NCAM2: variants seen among roughly 807,000 people sequenced by gnomAD.
NCAM2 encodes the protein N-CAM-2.
A neutral mutation model predicts 98.1 loss-of-function variants in NCAM2; 30 were observed. The ratio of observed to expected loss-of-function variants is 0.31; its 90% CI spans 0.23 to 0.41. The LOEUF (loss-of-function observed/expected upper bound fraction) is 0.41. NCAM2 is among the 10% of genes least tolerant of loss of function. The probability of loss-of-function intolerance (pLI) is 1.00; values close to 1 mark genes in which losing one functional copy is unlikely to be tolerated. For missense variants in NCAM2, 867 were observed against 1,005.8 expected (o/e 0.86, Z 1.87); for synonymous variants, 368 against 342.4 (o/e 1.07, Z -0.83).
intron 1 of NCAM2, among the ~76,000 whole-genome samples, chr21:21,036,512 C>A (rs116991714): frequency 0.03 from 4,528 of 152,120 alleles, 97 homozygotes; most frequent in Non-Finnish European, 0.042. Context: ...CAAGAAAAAA[C>A]CATACATATT....
intron 16 of NCAM2, among the ~76,000 whole-genome samples, chr21:21,510,877 A>T (rs1988332211): frequency 6.6e-6 from 1 of 152,066 alleles, no homozygotes; most frequent in African/African-American, 2.4e-5. Context: ...TTTAACGCTC[A>T]AATCAAGAAA....
At chr21:21,473,439 G>A (rs1602444885) in intron 14 of NCAM2, among the ~76,000 whole-genome samples, 1 of 148,248 alleles carries the variant, frequency 6.7e-6, no homozygotes, top group African/African-American at 2.5e-5. Flanking sequence ...GACATTGAGA[G>A]TAGCAAATGG....
intron 15 of NCAM2, among the ~76,000 whole-genome samples, chr21:21,498,859 G>T (rs148011702): frequency 6.6e-6 from 1 of 152,016 alleles, no homozygotes; most frequent in Non-Finnish European, 1.5e-5. Flanking sequence ...TCACAAAAAC[G>T]TAATAATGTA....
chr21:21,030,536 G>C (rs1307411279), intron 1 of NCAM2, among the ~76,000 whole-genome samples: 3 of 152,080 alleles, frequency 2.0e-5, no homozygotes, highest in Non-Finnish European at 4.4e-5. Flanking sequence ...CCCATCTCAC[G>C]ATTCGTATCT....
intron 1 of NCAM2, among the ~76,000 whole-genome samples, chr21:21,083,902 C>T (rs888970780): frequency 4.6e-5 from 7 of 152,084 alleles, no homozygotes; most frequent in Admixed American, 1.3e-4. Context: ...TTTAAATTTA[C>T]CCCAACTTTA....
intron 8 of NCAM2, among the ~76,000 whole-genome samples, chr21:21,369,354 GT>G (rs2056637716): frequency 6.6e-6 from 1 of 150,970 alleles, no homozygotes; most frequent in African/African-American, 2.4e-5. Context: ...TATACCACTT[GT>G]TTTTTTCAAT....
chr21:21,214,520 C>T (rs2069786776), intron 1 of NCAM2, among the ~76,000 whole-genome samples: 1 of 151,780 alleles, frequency 6.6e-6, no homozygotes, highest in African/African-American at 2.4e-5. Flanking sequence ...TCCTTAGGGA[C>T]TCCTAAGTGG....
intron 15 of NCAM2, among the ~76,000 whole-genome samples, chr21:21,504,096 GCTGTA>G (rs1486350669): frequency 6.6e-6 from 1 of 151,726 alleles, no homozygotes; most frequent in Non-Finnish European, 1.5e-5. Context: ...TTGCTGTATT[GCTGTA>G]CTGTATTTTA....
rs1555886415 is a variant in NCAM2 at position 21,115,989 on chromosome 21, G to GTCTGTC, written c.55+117372_55+117373insCTGTCT. ...TGTGTGTGTGTGTGTGTGTGTGTGT[G>GTCTGTC]TGTCTGTCTGTCTTTCATGCTGAGA... On this transcript the variant is annotated intron_variant, in intron 1 of 17. Transcript: ENST00000400546. 1.8e-4 allele frequency among the ~76,000 whole-genome samples: 24 copies of GTCTGTC among 130,642 alleles called. 1 individual carries two copies. Among genetic ancestry groups the GTCTGTC allele is most frequent in the African/African-American group, 6.8e-4 (24 of 35,458 alleles). 85.7% of individuals were successfully genotyped at this position (130,642 alleles called of 152,430 possible).
intron 14 of NCAM2, among the ~76,000 whole-genome samples, chr21:21,472,563 T>G (rs749657992): frequency 2.0e-5 from 3 of 152,016 alleles, no homozygotes; most frequent in Non-Finnish European, 2.9e-5. Context: ...AGTTTTATTC[T>G]TCTTTGTATA....
Position 21,237,551 on chromosome 21 carries a change from A to G in NCAM2, c.56-43027A>G, listed in dbSNP as rs147212796. On this transcript the variant is annotated intron_variant, in intron 1 of 17. Coordinates refer to ENST00000400546, the MANE Select transcript of NCAM2 (RefSeq NM_004540.5). The stretch of plus-strand genomic sequence containing the variant: ...TAGCTTACCTTTCAGCCTCAAGATT[A>G]TGTTTAAATAAAGGATTTATATCCC... 7.3e-3 allele frequency among the ~76,000 whole-genome samples: 1,114 copies of G among 152,256 alleles called. 4 individuals are homozygous for G. Among genetic ancestry groups the G allele is most frequent in the Non-Finnish European group, 0.012 (834 of 68,008 alleles).
Position 21,381,310 on chromosome 21 carries a change from C to T in NCAM2, c.1195+7297C>T, listed in dbSNP as rs551934781. ...TGCCCATGGGCTATAATTTGCCATC[C>T]ACTGGTTTAGGCTATTAAGTTTAAT... On this transcript the variant is annotated intron_variant, in intron 9 of 17. Coordinates refer to ENST00000400546, the MANE Select transcript of NCAM2 (RefSeq NM_004540.5). 5.9e-5 allele frequency among the ~76,000 whole-genome samples: 9 copies of T among 152,286 alleles called. No homozygotes were observed. In the East Asian group the frequency reaches 1.2e-3, roughly 20 times the overall value.
At chr21:21,223,826 A>G (rs1049415786) in intron 1 of NCAM2, 1 of 152,200 alleles carries the variant, frequency 6.6e-6, no homozygotes, top group African/African-American at 2.4e-5. Context: ...TGCATACAAT[A>G]TAAACAGAGA....
intron 1 of NCAM2, among the ~76,000 whole-genome samples, chr21:21,221,941 T>C (rs1309868847): frequency 6.6e-6 from 1 of 152,218 alleles, no homozygotes; most frequent in Non-Finnish European, 1.5e-5. Context: ...TCTCTCTTGG[T>C]GTGGGGCAGG....
chr21:21,451,075 A>T (rs953867067), intron 12 of NCAM2, among the ~76,000 whole-genome samples: 9 of 152,088 alleles, frequency 5.9e-5, no homozygotes, highest in Admixed American at 1.3e-4. Context: ...TATTGCTCAT[A>T]CAGGTATTTT....
chr21:21,096,956 A>T (rs139957553), intron 1 of NCAM2, among the ~76,000 whole-genome samples: 141 of 151,932 alleles, frequency 9.3e-4, no homozygotes, highest in Middle Eastern at 6.8e-3. Flanking sequence ...TAATGGAGAC[A>T]GTGTCAACAT....
At chr21:21,193,558 C>G (rs1051707806) in intron 1 of NCAM2, among the ~76,000 whole-genome samples, 3 of 145,788 alleles carry the variant, frequency 2.1e-5, no homozygotes, top group Non-Finnish European at 4.5e-5. Flanking sequence ...TGCAATGGCG[C>G]GATCTCGGCT....
intron 5 of NCAM2, among the ~76,000 whole-genome samples, chr21:21,311,950 C>G (rs1026103749): frequency 6.6e-6 from 1 of 152,092 alleles, no homozygotes; most frequent in African/African-American, 2.4e-5. Flanking sequence ...TTTCTAATTT[C>G]TGCAAATTGG....
intron 11 of NCAM2, among the ~76,000 whole-genome samples, chr21:21,431,231 A>C (rs1308561720): frequency 6.6e-6 from 1 of 151,580 alleles, no homozygotes; most frequent in Non-Finnish European, 1.5e-5. Flanking sequence ...TAGGAACAAA[A>C]GAGGAAGAGA....
Sources: gnomAD v4.1 joint callset for allele counts (sites outside exome capture counted in the v4.1 genomes callset) on GRCh38, gnomAD v4.1.1 for gene constraint, MANE v1.5 for transcripts, NCBI Gene and HGNC (gene_info 2026-07-23, HGNC 2026-07-21) for gene names.